Variants in POU2F1 observed in about 807,000 individuals in gnomAD.
POU2F1 encodes the protein POU class 2 homeobox 1.
In POU2F1, 16 loss-of-function variants were observed where a neutral mutation model predicts 84.9. The observed-to-expected ratio is 0.19, with a 90% CI of 0.13 to 0.29. The LOEUF (loss-of-function observed/expected upper bound fraction) is 0.29, where lower values mean the gene tolerates loss of function less well. Among genes scored for constraint, POU2F1 ranks in the 10% least tolerant of loss-of-function variants. The probability of loss-of-function intolerance (pLI) is 1.00; values close to 1 mark genes in which losing one functional copy is unlikely to be tolerated. For missense variants in POU2F1, 738 were observed against 942.6 expected, an observed-to-expected ratio of 0.78 and a Z score of 2.84; for synonymous variants, 368 against 368.3, an observed-to-expected ratio of 1.00 and a Z score of 0.01.
At chr1:167,295,464 T>C (rs1210454821) in intron 1 of POU2F1, among the ~76,000 whole-genome samples, 1 of 152,138 alleles carries the variant, frequency 6.6e-6, no homozygotes, top group African/African-American at 2.4e-5. Context: ...CACTTATAAG[T>C]GGGAACTAAG....
intron 15 of POU2F1, 91 bp from the exon 16 acceptor site, chr1:167,415,409 A>G (rs976892293): frequency 2.8e-6 from 4 of 1,414,986 alleles, no homozygotes; most frequent in Non-Finnish European, 3.9e-6. Flanking sequence ...GGGTTGTAGG[A>G]AAATGATAGA....
intron 1 of POU2F1, among the ~76,000 whole-genome samples, chr1:167,299,863 A>C (rs1654554587): frequency 6.6e-6 from 1 of 152,032 alleles, no homozygotes; most frequent in African/African-American, 2.4e-5. Flanking sequence ...TTGGGCCCCC[A>C]CCTCCAGAGG....
chr1:167,246,011 A>G (rs1254289030), intron 1 of POU2F1, among the ~76,000 whole-genome samples: 1 of 152,250 alleles, frequency 6.6e-6, no homozygotes, highest in Non-Finnish European at 1.5e-5. Context: ...CTGCTTACAA[A>G]TCTAAAAATA....
rs375483299 is a variant in POU2F1, at chr1:167,412,008, G to A, written c.1605G>A (p.Ala535=). The A allele has an allele frequency of 6.5e-5, 105 of 1,613,992 alleles. No homozygotes were observed. The highest frequency in any genetic ancestry group is 1.9e-4 in the African/African-American group (14 of 74,998). ...SNNTATVIST[A]PPASSAVTSP... ...ACACAGCAACCGTGATTTCCACAGC[G>A]CCTCCAGCTTCCTCAGCAGTCACGT... The change falls in exon 14 of 16, where the codon GCG becomes GCA. Residue 535 remains alanine, a synonymous_variant. Coordinates refer to ENST00000367866, the MANE Select transcript of POU2F1 (RefSeq NM_002697.4).
chr1:167,309,209 T>C (rs1413840208), intron 1 of POU2F1, among the ~76,000 whole-genome samples: 1 of 152,064 alleles, frequency 6.6e-6, no homozygotes, highest in African/African-American at 2.4e-5. Flanking sequence ...AGGGGTACTA[T>C]TGCCCCCAGG....
In POU2F1 at chr1:167,346,919, C is replaced by T. The variant is rs139484163; in HGVS notation, c.127+14384C>T. The stretch of plus-strand genomic sequence containing the variant: ...AGGATTTCCATTATCCCAGATTCTT[C>T]CCATTTTATGGCAGCTCAGATGGAA... On this transcript the variant is annotated intron_variant, in intron 2 of 15. Transcript: ENST00000367866. Among the ~76,000 whole-genome samples, 8 of 152,320 alleles carry T rather than the reference C, an allele frequency of 5.3e-5. No individual in the cohort carries two copies. The East Asian group carries it at 1.5e-3, about 29-fold the overall frequency.
intron 2 of POU2F1, among the ~76,000 whole-genome samples, chr1:167,358,608 G>A (rs768259521): frequency 2.7e-5 from 4 of 150,666 alleles, no homozygotes; most frequent in Non-Finnish European, 4.4e-5. Flanking sequence ...TTCTTCTTGA[G>A]TCAGTCTTGA....
At chr1:167,372,999 C>G (rs1018717236) in intron 5 of POU2F1, among the ~76,000 whole-genome samples, 2 of 151,702 alleles carry the variant, frequency 1.3e-5, no homozygotes, top group Non-Finnish European at 2.9e-5. Flanking sequence ...GTTTTAAGAA[C>G]TGTTGCAAAA....
At chr1:167,310,698 G>A (rs1655408436) in intron 1 of POU2F1, among the ~76,000 whole-genome samples, 1 of 152,114 alleles carries the variant, frequency 6.6e-6, no homozygotes, top group African/African-American at 2.4e-5. Context: ...ATCTGACAAG[G>A]ATTTTAAAGC....
In POU2F1 at chr1:167,426,443, T is replaced by C. The variant is rs1446727339; in HGVS notation, c.*10633T>C. 6.6e-6 allele frequency: 1 copy of C among 152,184 alleles called. No individual in the cohort carries two copies. Among genetic ancestry groups the C allele is most frequent in the Non-Finnish European group, 1.5e-5 (1 of 68,040 alleles). The allele number at this position is 152,184 out of a possible 1,614,324, so 9.4% of individuals were successfully genotyped here. A position where few individuals can be genotyped will look rare whatever the true frequency, so the allele number is the denominator to read the frequency against. ...AAAAGAAAATGAAAAAAGTTCTGAGTGTACATAATATTCAATAATAATCTC... is the reference window on the plus strand; with the variant it reads ...AAAAGAAAATGAAAAAAGTTCTGAGCGTACATAATATTCAATAATAATCTC... On this transcript the variant is annotated 3_prime_UTR_variant, in exon 16 of 16. Transcript: ENST00000367866.
At chr1:167,225,137 T>C (rs574792297) in intron 1 of POU2F1, among the ~76,000 whole-genome samples, 1 of 152,304 alleles carries the variant, frequency 6.6e-6, no homozygotes, top group South Asian at 2.1e-4. Flanking sequence ...CCGTTGTCAC[T>C]TTCTTAACTC....
chr1:167,242,777 A>G (rs1310884237), intron 1 of POU2F1, among the ~76,000 whole-genome samples: 2 of 152,238 alleles, frequency 1.3e-5, no homozygotes, highest in African/African-American at 4.8e-5. Flanking sequence ...CTGCCTTGCT[A>G]TGAAAATGAT....
At chr1:167,388,788 G>A (rs58561174) in intron 8 of POU2F1, among the ~76,000 whole-genome samples, 2,881 of 152,274 alleles carry the variant, frequency 0.019, 88 homozygotes, top group African/African-American at 0.065. Flanking sequence ...TTAATTTGGG[G>A]TTTTCATCTT....
chr1:167,363,311 A>G (rs528536025), intron 2 of POU2F1, among the ~76,000 whole-genome samples: 1 of 152,278 alleles, frequency 6.6e-6, no homozygotes, highest in South Asian at 2.1e-4. Flanking sequence ...TCAAAATCTC[A>G]TATTCTTTTA....
At chr1:167,308,015 GTGA>G (rs889135702) in intron 1 of POU2F1, among the ~76,000 whole-genome samples, 3 of 151,868 alleles carry the variant, frequency 2.0e-5, no homozygotes, top group Non-Finnish European at 4.4e-5. Context: ...GTGTCATAGA[GTGA>G]TGCTGTATTC....
intron 1 of POU2F1, among the ~76,000 whole-genome samples, chr1:167,288,881 TA>T (rs1204298151): frequency 3.9e-5 from 6 of 152,214 alleles, no homozygotes; most frequent in Non-Finnish European, 7.3e-5. Flanking sequence ...AAGACAGTTC[TA>T]AATTTATTAT....
chr1:167,350,087 T>A (rs1187585408), intron 2 of POU2F1, among the ~76,000 whole-genome samples: 1 of 152,156 alleles, frequency 6.6e-6, no homozygotes, highest in Admixed American at 6.5e-5. Flanking sequence ...TGAGTTTTGA[T>A]TAATAAGAAA....
In POU2F1 at chr1:167,361,047, T is replaced by C. The variant is rs544017995; in HGVS notation, c.128-4420T>C. 5.3e-5 allele frequency among the ~76,000 whole-genome samples: 8 copies of C among 152,356 alleles called. No individual in the cohort carries two copies. The South Asian group carries it at 1.7e-3, about 32-fold the overall frequency. ...GAACGTTATTCATGTATAGGAATGC[T>C]ACTGATTTTTGTACATTGATTTCGT... is the stretch of plus-strand genomic sequence containing the variant. On this transcript the variant is annotated intron_variant, in intron 2 of 15. Transcript: ENST00000367866.
intron 1 of POU2F1, among the ~76,000 whole-genome samples, chr1:167,282,470 C>T (rs929149556): frequency 6.6e-6 from 1 of 152,138 alleles, no homozygotes; most frequent in African/African-American, 2.4e-5. Flanking sequence ...CTATTACATC[C>T]CTCTTGCTTA....
Sources: gnomAD v4.1 joint callset for allele counts (sites outside exome capture counted in the v4.1 genomes callset) on GRCh38, gnomAD v4.1.1 for gene constraint, MANE v1.5 for transcripts, NCBI Gene and HGNC (gene_info 2026-07-23, HGNC 2026-07-21) for gene names.